The following PPP2R5E variants were observed in gnomAD, a reference collection of about 807,000 sequenced individuals.
The protein encoded by PPP2R5E is serine/threonine-protein phosphatase 2A 56 kDa regulatory subunit epsilon isoform.
A neutral mutation model predicts 65.3 loss-of-function variants in PPP2R5E; 4 were observed. The ratio of observed to expected loss-of-function variants is 0.06; its 90% CI spans 0.03 to 0.14. PPP2R5E has a LOEUF of 0.14. Among genes scored for constraint, PPP2R5E ranks in the 10% least tolerant of loss-of-function variants. PPP2R5E has a pLI of 1.00. For synonymous variants in PPP2R5E, 183 were observed against 187.4 expected (o/e 0.98, Z 0.19); for missense variants, 274 against 556.1 (o/e 0.49, Z 5.10).
chr14:63,456,659 C>T (rs1594894509), intron 2 of PPP2R5E, among the ~76,000 whole-genome samples: 1 of 152,278 alleles, frequency 6.6e-6, no homozygotes, highest in East Asian at 1.9e-4. Flanking sequence ...AGTTAATAAG[C>T]AGTGGAGACA....
chr14:63,418,484 T>C (rs1183405303), intron 4 of PPP2R5E, among the ~76,000 whole-genome samples: 4 of 152,206 alleles, frequency 2.6e-5, no homozygotes, highest in African/African-American at 9.6e-5. Flanking sequence ...AAATCTCCCT[T>C]AAGTTTCTAA....
intron 2 of PPP2R5E, among the ~76,000 whole-genome samples, chr14:63,522,276 C>T (rs1373087424): frequency 1.3e-5 from 2 of 151,876 alleles, no homozygotes; most frequent in African/African-American, 4.8e-5. Flanking sequence ...AGTGCAGTGG[C>T]GTGATCTCGG....
chr14:63,468,238 G>C (rs1889937252), intron 2 of PPP2R5E, among the ~76,000 whole-genome samples: 1 of 152,022 alleles, frequency 6.6e-6, no homozygotes, highest in Non-Finnish European at 1.5e-5. Flanking sequence ...TCTAGGCATT[G>C]TGTGAAACAC....
At chr14:63,436,961 G>A (rs369291768) in intron 3 of PPP2R5E, among the ~76,000 whole-genome samples, 1 of 152,324 alleles carries the variant, frequency 6.6e-6, no homozygotes. Context: ...TTTAGTCACA[G>A]GATGAAATAG....
At chr14:63,504,810 T>TA (rs150468083) in intron 2 of PPP2R5E, among the ~76,000 whole-genome samples, 5,226 of 149,724 alleles carry the variant, frequency 0.035, 280 homozygotes, top group African/African-American at 0.12. Flanking sequence ...TAAACACTGT[T>TA]AAAAAAAAAA....
At chr14:63,406,015 A>C (rs1462062803) in intron 5 of PPP2R5E, among the ~76,000 whole-genome samples, 1 of 152,238 alleles carries the variant, frequency 6.6e-6, no homozygotes, top group Non-Finnish European at 1.5e-5. Flanking sequence ...ATCTAGATTT[A>C]ATAAAAATCA....
intron 3 of PPP2R5E, among the ~76,000 whole-genome samples, chr14:63,432,139 T>C (rs757300157): frequency 4.6e-5 from 7 of 152,166 alleles, no homozygotes; most frequent in Non-Finnish European, 1.0e-4. Flanking sequence ...GTCTTGGCCA[T>C]GTACTATTTT....
intron 5 of PPP2R5E, among the ~76,000 whole-genome samples, chr14:63,405,928 T>G (rs1443351785): frequency 3.3e-5 from 5 of 152,236 alleles, no homozygotes; most frequent in Admixed American, 1.3e-4. Context: ...ATGAATGGAC[T>G]ATCTTTGATA....
intron 2 of PPP2R5E, among the ~76,000 whole-genome samples, chr14:63,523,229 C>T (rs1413944268): frequency 3.3e-5 from 5 of 152,044 alleles, no homozygotes; most frequent in African/African-American, 7.2e-5. Flanking sequence ...TCATTGAGAA[C>T]GGGCCATGAT....
chr14:63,534,780 G>A (rs1451063925), intron 2 of PPP2R5E, among the ~76,000 whole-genome samples: 1 of 151,958 alleles, frequency 6.6e-6, no homozygotes, highest in African/African-American at 2.4e-5. Flanking sequence ...CCACCACCCT[G>A]GCTAATTTTT....
intron 2 of PPP2R5E, among the ~76,000 whole-genome samples, chr14:63,506,548 C>T (rs1892191565): frequency 6.6e-6 from 1 of 152,080 alleles, no homozygotes; most frequent in African/African-American, 2.4e-5. Context: ...ACACAAATGG[C>T]CAGTAAGAAC....
chr14:63,397,837 C>CAGGAGG (rs1367123011), intron 5 of PPP2R5E, among the ~76,000 whole-genome samples: 1 of 151,576 alleles, frequency 6.6e-6, no homozygotes, highest in Non-Finnish European at 1.5e-5. Flanking sequence ...AAGCAATTCT[C>CAGGAGG]CTGTCTCAGC....
chr14:63,523,935 C>T (rs1022163581), intron 2 of PPP2R5E, among the ~76,000 whole-genome samples: 2 of 152,008 alleles, frequency 1.3e-5, no homozygotes, highest in Non-Finnish European at 2.9e-5. Context: ...AGAAGACAGC[C>T]CTTAGGAGCC....
At chr14:63,503,197 C>T (rs1031746563) in intron 2 of PPP2R5E, among the ~76,000 whole-genome samples, 1 of 151,980 alleles carries the variant, frequency 6.6e-6, no homozygotes, top group Non-Finnish European at 1.5e-5. Context: ...TTGGGAAAGG[C>T]ATCATCAGAG....
At chr14:63,495,627 C>CA in intron 2 of PPP2R5E, among the ~76,000 whole-genome samples, 1 of 151,586 alleles carries the variant, frequency 6.6e-6, no homozygotes, top group Middle Eastern at 3.4e-3. Context: ...TATATGTAGA[C>CA]AAAAAAGTCT....
intron 2 of PPP2R5E, among the ~76,000 whole-genome samples, chr14:63,534,719 G>C (rs538201656): frequency 2.0e-5 from 3 of 151,886 alleles, no homozygotes; most frequent in African/African-American, 7.3e-5. Flanking sequence ...TCCTGGGCTC[G>C]GGCAATCCTT....
chr14:63,499,101 A>G (rs756324134), intron 2 of PPP2R5E, among the ~76,000 whole-genome samples: 1 of 152,210 alleles, frequency 6.6e-6, no homozygotes, highest in Non-Finnish European at 1.5e-5. Flanking sequence ...ACTCATAAAA[A>G]GGCCCCAGGA....
chr14:63,459,815 C>T (rs1182433916), intron 2 of PPP2R5E, among the ~76,000 whole-genome samples: 2 of 152,190 alleles, frequency 1.3e-5, no homozygotes, highest in Non-Finnish European at 2.9e-5. Context: ...TCCCCTCCTC[C>T]TTTGAAATTC....
At position 63,371,875 on chromosome 14, in the gene PPP2R5E, A is replaced by G. The variant is rs1481863945; in HGVS notation, c.*4134T>C. On this transcript the variant is annotated 3_prime_UTR_variant, in exon 14 of 14. Coordinates refer to ENST00000337537, the MANE Select transcript of PPP2R5E (RefSeq NM_006246.5). ...CAAAAGATTTATGAAGCTAAAGCGA[A>G]GTCCTCAAACCAAAAGCAACAGACA... 1 of 152,192 alleles carries G rather than the reference A, an allele frequency of 6.6e-6. No homozygotes were observed. Among genetic ancestry groups the G allele is most frequent in the Non-Finnish European group, 1.5e-5 (1 of 68,026 alleles). 9.4% of individuals were successfully genotyped at this position (152,192 alleles called of 1,614,324 possible). A position where few individuals can be genotyped will look rare whatever the true frequency, so the allele number is the denominator to read the frequency against.
Sources: gnomAD v4.1 joint callset for allele counts (sites outside exome capture counted in the v4.1 genomes callset) on GRCh38, gnomAD v4.1.1 for gene constraint, MANE v1.5 for transcripts, NCBI Gene and HGNC (gene_info 2026-07-23, HGNC 2026-07-21) for gene names.